Variants in LIN7A observed in about 807,000 individuals in gnomAD.
LIN7A encodes the protein protein lin-7 homolog A.
A neutral mutation model predicts 29.8 loss-of-function variants in LIN7A; 25 were observed. The ratio of observed to expected loss-of-function variants is 0.84; its 90% CI spans 0.61 to 1.17. LIN7A has a LOEUF of 1.17. LIN7A is among the 50% of genes most tolerant of loss of function. The pLI is 0.00. For missense variants in LIN7A, 239 were observed against 287.0 expected (o/e 0.83, Z 1.21); for synonymous variants, 118 against 107.5 (o/e 1.10, Z -0.60).
chr12:80,836,928 C>T (rs926995355), intron 4 of LIN7A, among the ~76,000 whole-genome samples: 1 of 151,428 alleles, frequency 6.6e-6, no homozygotes, highest in South Asian at 2.1e-4. Context: ...TGCATGTTTT[C>T]ACGTACATTT....
At chr12:80,885,147 C>T (rs1031685697) in intron 2 of LIN7A, among the ~76,000 whole-genome samples, 1 of 152,030 alleles carries the variant, frequency 6.6e-6, no homozygotes, top group Non-Finnish European at 1.5e-5. Flanking sequence ...AGTTTTGGGG[C>T]AAAGTCTAAT....
chr12:80,821,768 C>A (rs184970120), intron 4 of LIN7A, among the ~76,000 whole-genome samples: 20 of 152,302 alleles, frequency 1.3e-4, no homozygotes, highest in Admixed American at 4.6e-4. Context: ...TGCAGTTGCC[C>A]AGCTGCAGGT....
At chr12:80,925,305 T>C (rs17007693) in intron 1 of LIN7A, among the ~76,000 whole-genome samples, 17,967 of 152,190 alleles carry the variant, frequency 0.12, 1,134 homozygotes, top group African/African-American at 0.15. Flanking sequence ...AATGGCAAAT[T>C]AGGTGAGTAT....
At chr12:80,887,459 A>G (rs1875388147) in intron 2 of LIN7A, among the ~76,000 whole-genome samples, 2 of 152,128 alleles carry the variant, frequency 1.3e-5, no homozygotes, top group South Asian at 4.1e-4. Flanking sequence ...TGCCAGGCCT[A>G]TGTGTTCTGC....
At chr12:80,890,190 A>T (rs1038925313) in intron 1 of LIN7A, among the ~76,000 whole-genome samples, 1 of 152,200 alleles carries the variant, frequency 6.6e-6, no homozygotes, top group Non-Finnish European at 1.5e-5. Context: ...AATTCCCTGG[A>T]TTATTTCATA....
intron 4 of LIN7A, among the ~76,000 whole-genome samples, chr12:80,828,803 T>G (rs140435925): frequency 5.2e-4 from 79 of 150,934 alleles, no homozygotes; most frequent in African/African-American, 1.5e-3. Context: ...AAATGTGGGG[T>G]GTGTGTGTGT....
intron 1 of LIN7A, among the ~76,000 whole-genome samples, chr12:80,899,552 A>T (rs1405326997): frequency 3.3e-5 from 5 of 151,960 alleles, no homozygotes; most frequent in African/African-American, 4.8e-5. Context: ...TAGTTTCAGT[A>T]GGAATGGTAC....
At chr12:80,851,550 C>T (rs1345486753) in intron 2 of LIN7A, among the ~76,000 whole-genome samples, 1 of 152,050 alleles carries the variant, frequency 6.6e-6, no homozygotes, top group Non-Finnish European at 1.5e-5. Context: ...CCATGCCTAT[C>T]TTACTTTTCA....
chr12:80,838,719 A>G lies in LIN7A; in HGVS notation c.483+7011T>C, dbSNP rs1872686974. Among the ~76,000 whole-genome samples the G allele has an allele frequency of 2.0e-5, 3 of 152,202 alleles. No homozygotes were observed. The South Asian group carries it at 6.2e-4, about 31-fold the overall frequency. ...GCTAACGACTTCTAGGAATAGAGAG[A>G]TTGTGAGAATAGCTTTACTTGAGGT... On this transcript the variant is annotated intron_variant, in intron 4 of 5. Transcript: ENST00000552864.
intron 1 of LIN7A, among the ~76,000 whole-genome samples, chr12:80,917,509 T>C (rs1877086472): frequency 6.6e-6 from 1 of 152,182 alleles, no homozygotes; most frequent in Non-Finnish European, 1.5e-5. Flanking sequence ...TTTCTGTGAG[T>C]ACATAAAAAT....
intron 2 of LIN7A, among the ~76,000 whole-genome samples, chr12:80,870,425 A>G (rs933027470): frequency 6.6e-6 from 1 of 152,298 alleles, no homozygotes; most frequent in Admixed American, 6.5e-5. Context: ...TGAATTGTGC[A>G]AGTCCACATG....
At chr12:80,926,140 G>A (rs1007163769) in intron 1 of LIN7A, among the ~76,000 whole-genome samples, 1 of 152,152 alleles carries the variant, frequency 6.6e-6, no homozygotes, top group South Asian at 2.1e-4. Context: ...TTTCTTCTCT[G>A]CACTTTGCTC....
At chr12:80,886,846 A>G (rs1320925966) in intron 2 of LIN7A, among the ~76,000 whole-genome samples, 1 of 152,096 alleles carries the variant, frequency 6.6e-6, no homozygotes, top group African/African-American at 2.4e-5. Flanking sequence ...TTTCCATTTT[A>G]ATTTCATTCT....
At chr12:80,883,544 A>G (rs573299856) in intron 2 of LIN7A, among the ~76,000 whole-genome samples, 75 of 152,206 alleles carry the variant, frequency 4.9e-4, no homozygotes, top group African/African-American at 1.8e-3. Context: ...GTCTCTTCCT[A>G]TCTGTTATTC....
chr12:80,825,314 C>A (rs1019607578), intron 4 of LIN7A, among the ~76,000 whole-genome samples: 7 of 152,212 alleles, frequency 4.6e-5, no homozygotes, highest in Non-Finnish European at 8.8e-5. Context: ...TAAGGGCAGA[C>A]CTAGTGCCAT....
At chr12:80,880,885 G>A (rs181732450) in intron 2 of LIN7A, among the ~76,000 whole-genome samples, 1 of 152,186 alleles carries the variant, frequency 6.6e-6, no homozygotes, top group South Asian at 2.1e-4. Flanking sequence ...AAATGGGAAT[G>A]CCACAGCTGT....
intron 1 of LIN7A, among the ~76,000 whole-genome samples, chr12:80,919,180 T>A (rs1458112582): frequency 6.6e-6 from 1 of 152,208 alleles, no homozygotes; most frequent in Non-Finnish European, 1.5e-5. Context: ...CACCAAAAAT[T>A]AACCACGCTA....
intron 2 of LIN7A, among the ~76,000 whole-genome samples, chr12:80,868,618 GAAACTGCAGGACTTA>G (rs1409928635): frequency 6.6e-6 from 1 of 152,094 alleles, no homozygotes; most frequent in Non-Finnish European, 1.5e-5. Flanking sequence ...AAACAGGAAA[GAAACTGCAGGACTTA>G]AATCTTTTCT....
At chr12:80,905,545 A>G (rs1876434731) in intron 1 of LIN7A, among the ~76,000 whole-genome samples, 1 of 152,186 alleles carries the variant, frequency 6.6e-6, no homozygotes, top group Non-Finnish European at 1.5e-5. Context: ...AGTCTCAAAT[A>G]GCCTTATTTT....
Sources: gnomAD v4.1 joint callset for allele counts (sites outside exome capture counted in the v4.1 genomes callset) on GRCh38, gnomAD v4.1.1 for gene constraint, MANE v1.5 for transcripts, NCBI Gene and HGNC (gene_info 2026-07-23, HGNC 2026-07-21) for gene names.